SDK1: variants seen among roughly 807,000 people sequenced by gnomAD.
SDK1 encodes the protein protein sidekick-1.
Under a neutral mutation model 245.5 loss-of-function variants are expected in SDK1, and 157 were observed. That is an observed-to-expected ratio of 0.64 (90% CI 0.56 to 0.73). The LOEUF (loss-of-function observed/expected upper bound fraction) is 0.73. Among genes scored for constraint, SDK1 ranks in the 30% least tolerant of loss-of-function variants. The pLI is 0.00. For missense variants in SDK1, 3,583 were observed against 3,002.3 expected (o/e 1.19, Z -4.52); for synonymous variants, 1,647 against 1,278.5 (o/e 1.29, Z -6.15).
At chr7:3,527,974 G>A (rs1783204815) in intron 1 of SDK1, among the ~76,000 whole-genome samples, 1 of 150,886 alleles carries the variant, frequency 6.6e-6, no homozygotes, top group South Asian at 2.1e-4. Context: ...GTGAGTGGTG[G>A]GAGGTGAGGC....
intron 1 of SDK1, among the ~76,000 whole-genome samples, chr7:3,389,603 C>T (rs7807471): frequency 0.046 from 6,932 of 152,112 alleles, 433 homozygotes; most frequent in African/African-American, 0.14. Flanking sequence ...ACAGCAGCAA[C>T]AGAAAACTAA....
At chr7:3,305,057 G>C (rs1175115292) in intron 1 of SDK1, among the ~76,000 whole-genome samples, 1 of 152,120 alleles carries the variant, frequency 6.6e-6, no homozygotes, top group South Asian at 2.1e-4. Flanking sequence ...CCCAACAATT[G>C]CAGTGACTTT....
chr7:3,706,665 G>A (rs974352545), intron 4 of SDK1, among the ~76,000 whole-genome samples: 1 of 152,164 alleles, frequency 6.6e-6, no homozygotes, highest in African/African-American at 2.4e-5. Context: ...GCCTCCCAAA[G>A]TGCTGGGATT....
intron 35 of SDK1, among the ~76,000 whole-genome samples, chr7:4,205,430 C>T (rs1784161814): frequency 1.3e-5 from 2 of 152,168 alleles, no homozygotes; most frequent in African/African-American, 4.8e-5. Flanking sequence ...TTGCTGGGAC[C>T]TCAAGTTAAC....
intron 1 of SDK1, chr7:3,302,100 C>G: frequency 4.1e-6 from 1 of 243,512 alleles, no homozygotes; most frequent in Non-Finnish European, 7.0e-6. Context: ...TGCTACTTTG[C>G]GTTTTATTTT....
At chr7:3,594,782 A>G (rs1366076988) in intron 1 of SDK1, among the ~76,000 whole-genome samples, 1 of 152,216 alleles carries the variant, frequency 6.6e-6, no homozygotes, top group African/African-American at 2.4e-5. Flanking sequence ...TAGAGATAAT[A>G]CTGATATAAG....
chr7:4,068,580 T>A (rs1780047270), intron 20 of SDK1, among the ~76,000 whole-genome samples: 1 of 151,790 alleles, frequency 6.6e-6, no homozygotes, highest in African/African-American at 2.4e-5. Context: ...GTGAGGCAGG[T>A]ACTTCGGAGG....
intron 27 of SDK1, among the ~76,000 whole-genome samples, chr7:4,131,228 G>T (rs7791356): frequency 0.095 from 14,435 of 152,212 alleles, 1,293 homozygotes; most frequent in African/African-American, 0.22. Flanking sequence ...TGAAGCAGGC[G>T]CTGGTGAGTC....
At chr7:4,052,203 C>A (rs1346320044) in intron 19 of SDK1, among the ~76,000 whole-genome samples, 1 of 132,830 alleles carries the variant, frequency 7.5e-6, no homozygotes, top group African/African-American at 2.9e-5. Flanking sequence ...CCCATTCTTT[C>A]CTGACCCTCG....
intron 1 of SDK1, among the ~76,000 whole-genome samples, chr7:3,564,561 A>G (rs894335386): frequency 6.6e-6 from 1 of 152,160 alleles, no homozygotes; most frequent in Non-Finnish European, 1.5e-5. Flanking sequence ...GAAATTTTCA[A>G]ATGATTTTAT....
intron 4 of SDK1, among the ~76,000 whole-genome samples, chr7:3,805,941 T>C (rs1455151021): frequency 6.6e-6 from 1 of 152,198 alleles, no homozygotes; most frequent in African/African-American, 2.4e-5. Context: ...CTTCTTCCTT[T>C]ACAGAGCTAT....
At chr7:3,470,162 T>C (rs1239768837) in intron 1 of SDK1, among the ~76,000 whole-genome samples, 6 of 152,178 alleles carry the variant, frequency 3.9e-5, no homozygotes. Flanking sequence ...AGTTTGAATC[T>C]ACATACTAAA....
chr7:3,500,201 G>A (rs1782154214), intron 1 of SDK1, among the ~76,000 whole-genome samples: 2 of 152,088 alleles, frequency 1.3e-5, no homozygotes, highest in South Asian at 4.1e-4. Flanking sequence ...CTCTGATCCT[G>A]TGATCACATT....
intron 1 of SDK1, chr7:3,338,457 T>C: frequency 1.9e-6 from 1 of 518,570 alleles, no homozygotes; most frequent in East Asian, 5.1e-5. Context: ...TGAAGGAAAA[T>C]GATCAGAAAA....
intron 4 of SDK1, among the ~76,000 whole-genome samples, chr7:3,656,940 G>T (rs1254856533): frequency 1.3e-5 from 2 of 151,790 alleles, no homozygotes; most frequent in African/African-American, 4.8e-5. Flanking sequence ...GTAGAGACGG[G>T]GTTTCACCTT....
intron 4 of SDK1, among the ~76,000 whole-genome samples, chr7:3,813,425 T>C (rs569607099): frequency 1.4e-5 from 2 of 141,602 alleles, no homozygotes; most frequent in Admixed American, 1.4e-4. Flanking sequence ...TCCATGTCCC[T>C]ACAAAGGACA....
intron 1 of SDK1, among the ~76,000 whole-genome samples, chr7:3,611,801 G>T (rs778238447): frequency 6.6e-6 from 1 of 151,978 alleles, no homozygotes; most frequent in Non-Finnish European, 1.5e-5. Context: ...GGCAAAAATG[G>T]CCATAATGAA....
intron 1 of SDK1, among the ~76,000 whole-genome samples, chr7:3,492,780 G>C (rs926808267): frequency 6.6e-6 from 1 of 152,182 alleles, no homozygotes; most frequent in South Asian, 2.1e-4. Context: ...ATGGCAAACA[G>C]AACGATGCAG....
chr7:3,356,916 A>G (rs7804072), intron 1 of SDK1, among the ~76,000 whole-genome samples: 90,952 of 151,574 alleles, frequency 0.6, 28,345 homozygotes, highest in African/African-American at 0.78. Context: ...TTAGCTGGGC[A>G]TGGTGGTGCG....
Sources: allele counts gnomAD v4.1 joint callset (sites outside exome capture counted in the v4.1 genomes callset), GRCh38; gene constraint gnomAD v4.1.1; transcripts MANE v1.5; gene names NCBI Gene and HGNC (gene_info 2026-07-23, HGNC 2026-07-21).